The following ERN1 variants were observed in gnomAD, a reference collection of about 807,000 sequenced individuals.
The protein encoded by ERN1 is endoplasmic reticulum to nucleus signaling 1.
A neutral mutation model predicts 113.1 loss-of-function variants in ERN1; 39 were observed. The observed-to-expected ratio is 0.34, with a 90% CI of 0.27 to 0.45. The LOEUF is 0.45. ERN1 is among the 20% of genes least tolerant of loss of function. ERN1 has a pLI of 1.00. For missense variants in ERN1, 976 were observed against 1,274.8 expected (o/e 0.77, Z 3.57); for synonymous variants, 507 against 515.9 (o/e 0.98, Z 0.23).
intron 16 of ERN1, 73 bp from the exon 17 acceptor site, chr17:64,053,052 C>G: frequency 8.0e-7 from 1 of 1,244,620 alleles, no homozygotes; most frequent in Non-Finnish European, 1.1e-6. Flanking sequence ...GGGAATGTGT[C>G]CTCGTCAGAC....
At position 64,087,789 on chromosome 17, in the gene ERN1, T is replaced by A. The variant is rs866363166; in HGVS notation, c.176-6981A>T. 5.6e-3 allele frequency among the ~76,000 whole-genome samples: 850 copies of A among 152,246 alleles called. 7 individuals are homozygous for A. The highest frequency in any genetic ancestry group is 0.02 in the African/African-American group (816 of 41,536). On this transcript the variant is annotated intron_variant, in intron 2 of 21. Coordinates refer to ENST00000433197, the MANE Select transcript of ERN1 (RefSeq NM_001433.5). Reference sequence around the variant, plus strand: ...GGCCTGTTCCTCCTGCTCTCACCTGTGGCATAATTCTGAAGAGCCTGCTCT... The same window carrying A: ...GGCCTGTTCCTCCTGCTCTCACCTGAGGCATAATTCTGAAGAGCCTGCTCT...
At position 64,120,446 on chromosome 17, in the gene ERN1, GACAA is replaced by G. The variant is rs548349342; in HGVS notation, c.54+9526_54+9529del. 1.9e-4 allele frequency among the ~76,000 whole-genome samples: 29 copies of G among 152,158 alleles called. 1 individual carries two copies. The South Asian group carries it at 6.0e-3, about 32-fold the overall frequency. ...CCATGACAGACACTCCTGCAGCCCA[GACAA>G]ACAATTATTCCTTCATCTGACAGAG... On this transcript the variant is annotated intron_variant, in intron 1 of 21. Coordinates refer to ENST00000433197, the MANE Select transcript of ERN1 (RefSeq NM_001433.5).
chr17:64,055,203 C>T (rs1480764688), intron 13 of ERN1, among the ~76,000 whole-genome samples: 2 of 152,228 alleles, frequency 1.3e-5, no homozygotes, highest in East Asian at 1.9e-4. Context: ...CTGAAGCATT[C>T]AGGTGGCGGC....
At chr17:64,090,759 A>C (rs1459709462) in intron 2 of ERN1, among the ~76,000 whole-genome samples, 1 of 152,218 alleles carries the variant, frequency 6.6e-6, no homozygotes, top group Non-Finnish European at 1.5e-5. Context: ...AGCAAGTCCC[A>C]AAAATAAGGG....
intron 3 of ERN1, 48 bp downstream of exon 3, chr17:64,080,727 G>A (rs746936573): frequency 6.4e-7 from 1 of 1,573,246 alleles, no homozygotes; most frequent in Non-Finnish European, 8.7e-7. Context: ...CTGATTGAAT[G>A]AAGAAGACTG....
intron 15 of ERN1, 125 bp from the exon 16 acceptor site, chr17:64,053,496 C>T (rs1351551877): frequency 3.1e-5 from 17 of 540,010 alleles, no homozygotes; most frequent in Non-Finnish European, 2.9e-6. Context: ...CTGTCTAAAT[C>T]CATGTTTTCC....
chr17:64,121,207 C>T (rs1375201626), intron 1 of ERN1, among the ~76,000 whole-genome samples: 1 of 152,206 alleles, frequency 6.6e-6, no homozygotes, highest in Non-Finnish European at 1.5e-5. Context: ...CACAGACCTG[C>T]TCCCTGGTGC....
In ERN1 at chr17:64,074,993, A is replaced by G. The variant is rs891065097; in HGVS notation, c.355+182T>C. On this transcript the variant is annotated intron_variant, in intron 5 of 21. Coordinates refer to ENST00000433197, the MANE Select transcript of ERN1 (RefSeq NM_001433.5). Reference sequence around the variant, plus strand: ...TATTAATGATGTCAATTCTTCTCCCAAGTTGGGGGAGCCCTTTCTTAATTG... The same window carrying G: ...TATTAATGATGTCAATTCTTCTCCCGAGTTGGGGGAGCCCTTTCTTAATTG... 47 of 594,030 alleles carry G rather than the reference A, an allele frequency of 7.9e-5. No homozygotes were observed. The East Asian group carries it at 1.1e-3, about 14-fold the overall frequency. The allele number at this position is 594,030 out of a possible 1,614,324, so 36.8% of individuals were successfully genotyped here.
At chr17:64,099,539 A>C (rs1213119073) in intron 1 of ERN1, among the ~76,000 whole-genome samples, 1 of 152,170 alleles carries the variant, frequency 6.6e-6, no homozygotes, top group Non-Finnish European at 1.5e-5. Flanking sequence ...TAAAAAAAAA[A>C]ATGCCAATGC....
At chr17:64,108,861 G>A (rs1483237646) in intron 1 of ERN1, among the ~76,000 whole-genome samples, 1 of 152,154 alleles carries the variant, frequency 6.6e-6, no homozygotes, top group East Asian at 1.9e-4. Context: ...AGTAGCTCAT[G>A]CCTGTAATCC....
chr17:64,081,278 G>T (rs1913758850), intron 2 of ERN1, among the ~76,000 whole-genome samples: 1 of 152,212 alleles, frequency 6.6e-6, no homozygotes, highest in Non-Finnish European at 1.5e-5. Context: ...TGATTGGCCA[G>T]TAAATGGACA....
chr17:64,093,712 A>G (rs1598075087), intron 2 of ERN1, among the ~76,000 whole-genome samples: 1 of 152,300 alleles, frequency 6.6e-6, no homozygotes, highest in East Asian at 1.9e-4. Context: ...CCCATCTCAA[A>G]GTACCATCAC....
In ERN1 at chr17:64,052,768, C is replaced by T; in HGVS notation, c.2253+12G>A. ...TTCTGTAGTTTTCAAAGGGCCATAGCCTATTACTCACAGGGTTCTCCTTAC... is the reference window on the plus strand; with the variant it reads ...TTCTGTAGTTTTCAAAGGGCCATAGTCTATTACTCACAGGGTTCTCCTTAC... On this transcript the variant is annotated intron_variant, in intron 17 of 21. Coordinates refer to ENST00000433197, the MANE Select transcript of ERN1 (RefSeq NM_001433.5). The T allele has an allele frequency of 6.2e-7, 1 of 1,610,890 alleles. No homozygotes were observed. Among genetic ancestry groups the T allele is most frequent in the South Asian group, 1.1e-5 (1 of 90,996 alleles).
chr17:64,129,104 G>GA (rs914031875), intron 1 of ERN1: 14 of 147,178 alleles, frequency 9.5e-5, no homozygotes, highest in East Asian at 3.9e-4. Flanking sequence ...CCAACCAGAA[G>GA]AAAAAAAAAA....
chr17:64,055,850 G>T lies in ERN1; in HGVS notation c.1497C>A (p.His499Gln). ...CGTCCTGAGCCGTGTCTCCAGGTGG[G>T]TGGAAGGGCAGCTGCTGCTGCTGCT... ...LQQQQQQLPF[H>Q]PPGDTAQDGE... Residue 499 changes from histidine (H) to glutamine (Q), a missense_variant, in exon 13 of 22, where the codon CAC becomes CAA. His to Gln is a conservative substitution (Grantham distance 24). Around this residue, in one of 5 missense-constraint regions of ERN1, gnomAD observed 112 missense variants for 106.2 expected, o/e 1.05. Coordinates refer to ENST00000433197, the MANE Select transcript of ERN1 (RefSeq NM_001433.5). The T allele has an allele frequency of 1.3e-6, 2 of 1,553,890 alleles. No homozygotes were observed. The highest frequency in any genetic ancestry group is 1.7e-6 in the Non-Finnish European group (2 of 1,148,438).
chr17:64,045,937 A>C (rs1460788275), intron 19 of ERN1, among the ~76,000 whole-genome samples: 1 of 152,220 alleles, frequency 6.6e-6, no homozygotes, highest in African/African-American at 2.4e-5. Flanking sequence ...CCACCAGTAG[A>C]AAAGACCTGT....
chr17:64,044,135 G>C lies in ERN1; in HGVS notation c.2787C>G (p.Phe929Leu). 1 of 1,607,892 alleles carries C rather than the reference G, an allele frequency of 6.2e-7. No individual in the cohort carries two copies. The change falls in exon 22 of 22, where the codon TTC becomes TTG. Residue 929 changes from phenylalanine (F) to leucine (L), a missense_variant. Physicochemically the swap from Phe to Leu is conservative, Grantham distance 22 (BLOSUM62 0). Transcript: ENST00000433197. This position sits in a 1 kb window ranked among gnomAD's most constrained non-coding sequence, Gnocchi z 4.1. ...GGAAGCGAGATGTGAAGTAGCACAC[G>C]AAGTCGTCGGGGAGGGACCCCAGCG... is the stretch of plus-strand genomic sequence containing the variant. The part of the protein sequence containing the change: ...RETLGSLPDD[F>L]VCYFTSRFPH...
chr17:64,061,078 A>G (rs892142387), intron 10 of ERN1, among the ~76,000 whole-genome samples: 1 of 152,328 alleles, frequency 6.6e-6, no homozygotes, highest in African/African-American at 2.4e-5. Context: ...GTGGTACATT[A>G]CTTGCGAGAA....
At chr17:64,106,734 ACAC>A in intron 1 of ERN1, among the ~76,000 whole-genome samples, 1 of 142,682 alleles carries the variant, frequency 7.0e-6, no homozygotes, top group African/African-American at 2.9e-5. Context: ...ACACACACAC[ACAC>A]ACACACACAC....
Sources: gnomAD v4.1 joint callset for allele counts (sites outside exome capture counted in the v4.1 genomes callset) on GRCh38, gnomAD v4.1.1 for gene constraint, gnomAD v4.1.1 regional missense constraint, Gnocchi (gnomAD v3.1) non-coding constraint, MANE v1.5 for transcripts, NCBI Gene and HGNC (gene_info 2026-07-23, HGNC 2026-07-21) for gene names.